The following FXN variants were observed in gnomAD, a reference collection of about 807,000 sequenced individuals.
FXN encodes frataxin, mitochondrial.
Under a neutral mutation model 22.4 loss-of-function variants are expected in FXN, and 14 were observed. The ratio of observed to expected loss-of-function variants is 0.62; its 90% CI spans 0.41 to 0.98. The LOEUF is 0.98. Among genes scored for constraint, FXN ranks in the 50% least tolerant of loss-of-function variants. The pLI is 0.00. For synonymous variants in FXN, 120 were observed against 114.1 expected (o/e 1.05, Z -0.33); for missense variants, 267 against 268.4 (o/e 0.99, Z 0.04).
In FXN at chr9:69,072,839, TTTG is replaced by T. The variant is rs35195101; in HGVS notation, c.*92_*94del. The T allele has an allele frequency of 0.42, 672,297 of 1,603,650 alleles. 143,446 individuals carry two copies. Among genetic ancestry groups the T allele is most frequent in the Admixed American group, 0.55 (32,622 of 58,870 alleles). On this transcript the variant is annotated 3_prime_UTR_variant, in exon 5 of 5. Transcript: ENST00000484259. ...TTCATTATGCAGCTGAGGTCTGTTT[TTTG>T]TTGTTGTTGTTGTTTATTTTTTTTA...
At chr9:69,057,295 C>T (rs1187565985) in intron 3 of FXN, among the ~76,000 whole-genome samples, 3 of 152,136 alleles carry the variant, frequency 2.0e-5, no homozygotes, top group Non-Finnish European at 4.4e-5. Flanking sequence ...ATCATTGAAT[C>T]AATTTGAACC....
intron 1 of FXN, among the ~76,000 whole-genome samples, chr9:69,040,817 A>AT (rs1564328938): frequency 6.6e-6 from 1 of 152,158 alleles, no homozygotes; most frequent in East Asian, 1.9e-4. Context: ...TTGGGAGGTG[A>AT]TGAGGTATGA....
chr9:69,035,990 G>GGCCGCACGCCGCAC (rs571572380), intron 1 of FXN, 43 bp downstream of exon 1: 10 of 1,374,198 alleles, frequency 7.3e-6, no homozygotes, highest in African/African-American at 1.6e-5. Flanking sequence ...GCACGCCGCG[G>GGCCGCACGCCGCAC]GCCGCACGCC....
chr9:69,042,006 G>C (rs1394361400), intron 1 of FXN, among the ~76,000 whole-genome samples: 1 of 152,142 alleles, frequency 6.6e-6, no homozygotes, highest in Non-Finnish European at 1.5e-5. Flanking sequence ...ACTTTGGGAG[G>C]CCAAGGTGGG....
In FXN at chr9:69,075,444, A is replaced by G. The variant is rs910161699; in HGVS notation, c.*2682A>G. The G allele has an allele frequency of 3.2e-6, 3 of 944,212 alleles. No individual in the cohort carries two copies. Among genetic ancestry groups the G allele is most frequent in the Non-Finnish European group, 2.5e-6 (2 of 796,832 alleles). 58.5% of individuals were successfully genotyped at this position (944,212 alleles called of 1,614,324 possible). On this transcript the variant is annotated 3_prime_UTR_variant, in exon 5 of 5. Coordinates refer to ENST00000484259, the MANE Select transcript of FXN (RefSeq NM_000144.5). ...CACTTCACTCCAGCCTGGCCAACAGAGCCATACTCCGTCTCAAATAAATAA... is the reference window on the plus strand; with the variant it reads ...CACTTCACTCCAGCCTGGCCAACAGGGCCATACTCCGTCTCAAATAAATAA...
intron 1 of FXN, among the ~76,000 whole-genome samples, chr9:69,039,889 A>G (rs973288665): frequency 2.6e-5 from 4 of 152,160 alleles, no homozygotes; most frequent in African/African-American, 9.7e-5. Context: ...GGGACTTTGC[A>G]GAGTATTGAG....
chr9:69,043,739 A>G (rs1831697625), intron 1 of FXN, among the ~76,000 whole-genome samples: 1 of 152,172 alleles, frequency 6.6e-6, no homozygotes, highest in Non-Finnish European at 1.5e-5. Flanking sequence ...ACATGTCATC[A>G]CGCCTTGCTA....
intron 3 of FXN, among the ~76,000 whole-genome samples, chr9:69,060,382 A>G (rs940157851): frequency 6.6e-6 from 1 of 151,908 alleles, no homozygotes; most frequent in Non-Finnish European, 1.5e-5. Flanking sequence ...AAAAAAAAAA[A>G]AAGACTCACC....
At position 69,074,464 on chromosome 9, in the gene FXN, G is replaced by T; in HGVS notation, c.*1702G>T. 1 of 979,376 alleles carries T rather than the reference G, an allele frequency of 1.0e-6. No individual in the cohort carries two copies. Among genetic ancestry groups the T allele is most frequent in the Non-Finnish European group, 1.2e-6 (1 of 824,908 alleles). 60.7% of individuals were successfully genotyped at this position (979,376 alleles called of 1,614,324 possible). A position where few individuals can be genotyped will look rare whatever the true frequency, so the allele number is the denominator to read the frequency against. ...CGGGAGAATTGCTTGACCCCAGGCG[G>T]AGGAGGTTACAGTGAGTCGAGATCG... On this transcript the variant is annotated 3_prime_UTR_variant, in exon 5 of 5. Transcript: ENST00000484259.
At chr9:69,072,043 G>A (rs1287147233) in intron 4 of FXN, among the ~76,000 whole-genome samples, 2 of 152,134 alleles carry the variant, frequency 1.3e-5, no homozygotes, top group Non-Finnish European at 2.9e-5. Context: ...ACGGATTTTG[G>A]TATCTGCAGA....
intron 2 of FXN, among the ~76,000 whole-genome samples, chr9:69,050,019 T>G (rs1256968542): frequency 6.6e-6 from 1 of 152,332 alleles, no homozygotes. Context: ...GCCTGCTCAC[T>G]TCTAGTCATT....
chr9:69,038,183 C>A (rs185112081), intron 1 of FXN, among the ~76,000 whole-genome samples: 107 of 152,270 alleles, frequency 7.0e-4, no homozygotes, highest in African/African-American at 2.5e-3. Flanking sequence ...TTCCATAGTT[C>A]CCTTGCACAT....
chr9:69,061,668 C>G (rs192020247), intron 3 of FXN, among the ~76,000 whole-genome samples: 4 of 151,158 alleles, frequency 2.6e-5, no homozygotes, highest in Non-Finnish European at 4.4e-5. Flanking sequence ...ATCCCTCCCC[C>G]CTTCCCCCTC....
At chr9:69,065,096 T>C (rs1407717487) in intron 4 of FXN, 61 bp downstream of exon 4, 2 of 1,287,008 alleles carry the variant, frequency 1.6e-6, no homozygotes, top group Non-Finnish European at 2.3e-6. Context: ...AAATGTGACA[T>C]TGTGGACCAT....
At chr9:69,064,661 G>A (rs996345348) in intron 3 of FXN, among the ~76,000 whole-genome samples, 3 of 152,054 alleles carry the variant, frequency 2.0e-5, no homozygotes, top group Non-Finnish European at 2.9e-5. Flanking sequence ...TTAACTCTCC[G>A]AGCTTCACCA....
chr9:69,039,066 A>T (rs1232582482), intron 1 of FXN, among the ~76,000 whole-genome samples: 1 of 152,052 alleles, frequency 6.6e-6, no homozygotes, highest in East Asian at 1.9e-4. Flanking sequence ...CAGCCTGGCC[A>T]ACATGGTGAA....
Position 69,072,916 on chromosome 9 carries a change from G to T in FXN, c.*154G>T. ...GCTATGTGTCACAGCTCTGTAGAAAGAATGTGTTGCCTCCTACCTTGCCCC... is the reference window on the plus strand; with the variant it reads ...GCTATGTGTCACAGCTCTGTAGAAATAATGTGTTGCCTCCTACCTTGCCCC... On this transcript the variant is annotated 3_prime_UTR_variant, in exon 5 of 5. Coordinates refer to ENST00000484259, the MANE Select transcript of FXN (RefSeq NM_000144.5). 2.0e-6 allele frequency: 3 copies of T among 1,501,236 alleles called. No individual in the cohort carries two copies. Among genetic ancestry groups the T allele is most frequent in the Non-Finnish European group, 2.7e-6 (3 of 1,131,152 alleles). 93.0% of individuals were successfully genotyped at this position (1,501,236 alleles called of 1,614,324 possible).
chr9:69,064,112 A>G (rs1564337685), intron 3 of FXN, among the ~76,000 whole-genome samples: 1 of 152,226 alleles, frequency 6.6e-6, no homozygotes, highest in East Asian at 1.9e-4. Flanking sequence ...AAGATGGGGA[A>G]CAGCAGGCTT....
intron 1 of FXN, among the ~76,000 whole-genome samples, chr9:69,038,969 T>C (rs1831609134): frequency 6.6e-6 from 1 of 151,966 alleles, no homozygotes; most frequent in African/African-American, 2.4e-5. Flanking sequence ...AAATGTCTCC[T>C]AGGCTGGGTG....
Sources: gnomAD v4.1 joint callset for allele counts (sites outside exome capture counted in the v4.1 genomes callset) on GRCh38, gnomAD v4.1.1 for gene constraint, MANE v1.5 for transcripts, NCBI Gene and HGNC (gene_info 2026-07-23, HGNC 2026-07-21) for gene names.